Variants in WBP11 observed in about 807,000 individuals in gnomAD.
WBP11 encodes the protein WW domain binding protein 11.
A neutral mutation model predicts 66.7 loss-of-function variants in WBP11; 12 were observed. The ratio of observed to expected loss-of-function variants is 0.18; its 90% confidence interval spans 0.12 to 0.29. WBP11 has a LOEUF of 0.29. WBP11 is among the 10% of genes least tolerant of loss of function. WBP11 has a pLI of 1.00. For missense variants in WBP11, 555 were observed against 818.3 expected, an observed-to-expected ratio of 0.68 and a Z score of 3.93; for synonymous variants, 255 against 273.8, an observed-to-expected ratio of 0.93 and a Z score of 0.68.
intron 5 of WBP11, among the ~76,000 whole-genome samples, chr12:14,795,505 G>C (rs963217568): frequency 3.3e-5 from 5 of 152,156 alleles, no homozygotes; most frequent in Admixed American, 1.3e-4. Flanking sequence ...GCTGACGCAG[G>C]TCGATCACAA....
At chr12:14,793,597 A>G (rs1035130348) in intron 8 of WBP11, 134 bp downstream of exon 8, 5 of 1,065,314 alleles carry the variant, frequency 4.7e-6, no homozygotes, top group Non-Finnish European at 5.3e-6. Context: ...AAATTTTAAT[A>G]TATAAGATGA....
At chr12:14,801,296 C>T (rs1949959700) in intron 2 of WBP11, 24 bp downstream of exon 2, 2 of 1,610,726 alleles carry the variant, frequency 1.2e-6, no homozygotes, top group Non-Finnish European at 1.7e-6. Flanking sequence ...CCTACTTCAT[C>T]ATTCCACACT....
chr12:14,794,764 A>C, intron 6 of WBP11, 28 bp from the exon 7 acceptor site: 1 of 1,532,898 alleles, frequency 6.5e-7, no homozygotes, highest in African/African-American at 1.4e-5. Context: ...AAAAACAAAA[A>C]AACCCCCACA....
intron 8 of WBP11, among the ~76,000 whole-genome samples, chr12:14,793,061 C>G (rs1949840258): frequency 6.6e-6 from 1 of 151,812 alleles, no homozygotes; most frequent in African/African-American, 2.4e-5. Flanking sequence ...TAAGACACAG[C>G]AGGAGAAAAA....
At chr12:14,802,175 AG>A (rs1027073441) in intron 1 of WBP11, 5 of 152,202 alleles carry the variant, frequency 3.3e-5, no homozygotes, top group Non-Finnish European at 5.9e-5. Flanking sequence ...TTTTTGTTTG[AG>A]GAAAAAATAT....
At chr12:14,789,169 A>G (rs778603810) in intron 10 of WBP11, 36 bp from the exon 11 acceptor site, 4 of 1,492,174 alleles carry the variant, frequency 2.7e-6, no homozygotes, top group Non-Finnish European at 3.5e-6. Context: ...ATGTCACACA[A>G]ATGTACACTA....
At chr12:14,793,010 T>C (rs934512182) in intron 8 of WBP11, among the ~76,000 whole-genome samples, 2 of 152,142 alleles carry the variant, frequency 1.3e-5, no homozygotes, top group African/African-American at 4.8e-5. Flanking sequence ...ACCAGCTCTA[T>C]CATTTTTAAC....
At chr12:14,801,554 A>G (rs1949962871) in intron 1 of WBP11, 126 bp from the exon 2 acceptor site, 1 of 581,958 alleles carries the variant, frequency 1.7e-6, no homozygotes. Context: ...TTCTTTCCTT[A>G]GTTTTGACTT....
At chr12:14,789,253 T>C in intron 10 of WBP11, 120 bp from the exon 11 acceptor site, 1 of 927,950 alleles carries the variant, frequency 1.1e-6, no homozygotes, top group Non-Finnish European at 1.6e-6. Context: ...CTTCAAGAAG[T>C]TAATGAAACA....
In WBP11 at chr12:14,786,866, A is replaced by G. The variant is rs1183834738; in HGVS notation, c.*199T>C. The G allele has an allele frequency of 5.2e-6, 3 of 577,786 alleles. No individual in the cohort carries two copies. In the African/African-American group the frequency reaches 5.6e-5, roughly 11 times the overall value. The allele number at this position is 577,786 out of a possible 1,614,324, so 35.8% of individuals were successfully genotyped here. A position where few individuals can be genotyped will look rare whatever the true frequency, so the allele number is the denominator to read the frequency against. On this transcript the variant is annotated 3_prime_UTR_variant, in exon 12 of 12. Transcript: ENST00000261167. ...AATGGATGTTAGCAGCACTGCTTCA[A>G]TAACTGATCTATTCTGGATGAAATA...
rs764081351 is a variant in WBP11, at chr12:14,787,213, G to C, written c.1778C>G (p.Thr593Ser). 1 of 1,614,160 alleles carries C rather than the reference G, an allele frequency of 6.2e-7. No homozygotes were observed. Among genetic ancestry groups the C allele is most frequent in the Non-Finnish European group, 8.5e-7 (1 of 1,180,044 alleles). The stretch of plus-strand genomic sequence containing the variant: ...CTCTGACTTTCTTTGGGGAGCAGCA[G>C]TAGCCCCTTTATTCTCCCGACGTAC... ...LRVRRENKGA[T>S]AAPQRKSEDD... is the part of the protein sequence containing the mutation. Residue 593 changes from threonine to serine, a missense_variant, in exon 12 of 12, where the codon ACT (threonine) becomes AGT (serine). Thr to Ser is a moderately conservative substitution (Grantham distance 58). Coordinates refer to ENST00000261167, the MANE Select transcript of WBP11 (RefSeq NM_016312.3).
chr12:14,790,650 T>C lies in WBP11; in HGVS notation c.1115A>G (p.Lys372Arg). The C allele has an allele frequency of 6.2e-7, 1 of 1,614,190 alleles. No individual in the cohort carries two copies. The highest frequency in any genetic ancestry group is 1.7e-5 in the Admixed American group (1 of 60,030). Residue 372 changes from lysine (K) to arginine (R), a missense_variant, in exon 10 of 12, where the codon AAG (lysine) becomes AGG (arginine). Physicochemically the swap from Lys to Arg is conservative, Grantham distance 26. Coordinates refer to ENST00000261167, the MANE Select transcript of WBP11 (RefSeq NM_016312.3). ...AGAATGGGATTCCTCTTTATGCTGC[T>C]TTTGTGATTGCTTTTCTGCTTCAGA... ...DDSEAEKQSQ[K>R]QHKEESHSDG...
chr12:14,803,240 C>G, intron 1 of WBP11, 112 bp downstream of exon 1: 2 of 393,380 alleles, frequency 5.1e-6, no homozygotes, highest in Admixed American at 4.4e-5. Context: ...AGACCTCAAC[C>G]AGGGAGAGGA....
At chr12:14,797,622 A>G (rs997939946) in intron 4 of WBP11, among the ~76,000 whole-genome samples, 3 of 152,208 alleles carry the variant, frequency 2.0e-5, no homozygotes, top group Admixed American at 6.5e-5. Flanking sequence ...TGCCTGGTCA[A>G]TCATATCCCC....
Position 14,801,422 on chromosome 12 carries a change from GAA to G in WBP11, c.-41_-40del, listed in dbSNP as rs745418698. On this transcript the variant is annotated 5_prime_UTR_variant, in exon 2 of 12. Coordinates refer to ENST00000261167, the MANE Select transcript of WBP11 (RefSeq NM_016312.3). ...ATGGTTTACTTGTTCATTAAAAAAA[GAA>G]AAACCTGTGAAGGTGAAGACAAAGA... The G allele has an allele frequency of 6.3e-6, 10 of 1,593,478 alleles. No individual in the cohort carries two copies. The highest frequency in any genetic ancestry group is 8.6e-6 in the Non-Finnish European group (10 of 1,164,992).
At position 14,791,269 on chromosome 12, in the gene WBP11, A is replaced by C; in HGVS notation, c.915T>G (p.Gly305=). ...GCATATCTGCAAACCGTACACTCAG[A>C]CCTAAGGGGACAAAGGAGGGAGTGG... The part of the protein sequence containing the change: ...ERDNNEEKKS[G]LSVRFADMPG... Residue 305 remains glycine, a splice_region_variant and synonymous_variant, in exon 9 of 12, where the codon GGT becomes GGG. Transcript: ENST00000261167. 6.2e-7 allele frequency: 1 copy of C among 1,613,864 alleles called. No individual in the cohort carries two copies. The highest frequency in any genetic ancestry group is 8.5e-7 in the Non-Finnish European group (1 of 1,179,856).
chr12:14,787,096 G>A lies in WBP11; in HGVS notation c.1895C>T (p.Ala632Val), dbSNP rs757462783. ...TAGCCCTTCCATCTCTTTCATGAAA[G>A]CCTCATAGACATCATCCTTAGTTTG... The part of the protein sequence containing the change: ...SVQTKDDVYE[A>V]FMKEMEGLL Residue 632 changes from alanine to valine, a missense_variant, in exon 12 of 12, where the codon GCT becomes GTT. By Grantham distance (64) the Ala-to-Val change is moderately conservative. Around this residue, in one of 6 missense-constraint regions of WBP11, gnomAD observed 50 missense variants for 68.3 expected, o/e 0.73. Coordinates refer to ENST00000261167, the MANE Select transcript of WBP11 (RefSeq NM_016312.3). The A allele has an allele frequency of 6.2e-7, 1 of 1,613,452 alleles. No individual in the cohort carries two copies. Among genetic ancestry groups the A allele is most frequent in the Admixed American group, 1.7e-5 (1 of 59,990 alleles).
chr12:14,798,972 T>C (rs985210619), intron 4 of WBP11, among the ~76,000 whole-genome samples: 2 of 152,150 alleles, frequency 1.3e-5, no homozygotes, highest in Non-Finnish European at 2.9e-5. Flanking sequence ...TGGGTTAGGA[T>C]AAAATTTCCA....
rs568207764 is a variant in WBP11, at chr12:14,802,947, G to A, written c.-46+405C>T. Among the ~76,000 whole-genome samples the A allele has an allele frequency of 2.4e-4, 37 of 152,264 alleles. 1 individual carries two copies. In the South Asian group the frequency reaches 7.5e-3, roughly 31 times the overall value. ...GCAGATTAGTTTTTTGTCTACAAGC[G>A]GAGGCGACTGGAAAATCAAGCCAAA... On this transcript the variant is annotated intron_variant, in intron 1 of 11. Transcript: ENST00000261167.
Sources: allele counts gnomAD v4.1 joint callset (sites outside exome capture counted in the v4.1 genomes callset), GRCh38; gene constraint gnomAD v4.1.1; regional missense constraint gnomAD v4.1.1; transcripts MANE v1.5; gene names NCBI Gene and HGNC (gene_info 2026-07-23, HGNC 2026-07-21).